Variants in KCNU1 observed in about 807,000 individuals in gnomAD.
KCNU1 encodes the protein potassium channel subfamily U member 1.
In KCNU1, 93 loss-of-function variants were observed where a neutral mutation model predicts 126.8. The ratio of observed to expected loss-of-function variants is 0.73; its 90% CI spans 0.62 to 0.87. The LOEUF is 0.87. KCNU1 is among the 40% of genes least tolerant of loss of function. The pLI, the probability that KCNU1 is intolerant of heterozygous loss-of-function variation, is 0.00. For synonymous variants in KCNU1, 523 were observed against 494.2 expected (o/e 1.06, Z -0.77); for missense variants, 1,330 against 1,367.1 (o/e 0.97, Z 0.43).
intron 18 of KCNU1, among the ~76,000 whole-genome samples, chr8:36,856,222 A>G (rs1805523565): frequency 6.6e-6 from 1 of 152,122 alleles, no homozygotes; most frequent in Admixed American, 6.5e-5. Flanking sequence ...CATATTTAGA[A>G]TATTGGCTCT....
chr8:36,905,391 A>G (rs1188341525), intron 19 of KCNU1, among the ~76,000 whole-genome samples: 1 of 151,988 alleles, frequency 6.6e-6, no homozygotes, highest in Non-Finnish European at 1.5e-5. Flanking sequence ...CTGCCAATGG[A>G]TAACAGTATC....
At chr8:36,824,147 C>A (rs1804232873) in intron 10 of KCNU1, among the ~76,000 whole-genome samples, 1 of 152,050 alleles carries the variant, frequency 6.6e-6, no homozygotes, top group South Asian at 2.1e-4. Context: ...CCTGTTTAAG[C>A]CTTTTTTATT....
chr8:36,924,394 C>T (rs564299898), intron 24 of KCNU1, among the ~76,000 whole-genome samples: 37 of 152,268 alleles, frequency 2.4e-4, no homozygotes, highest in Non-Finnish European at 2.9e-4. Context: ...TAAGGGAGCA[C>T]GGCTGGGCAT....
intron 2 of KCNU1, among the ~76,000 whole-genome samples, chr8:36,789,512 TTTA>T (rs1802829085): frequency 6.6e-6 from 1 of 152,208 alleles, no homozygotes; most frequent in African/African-American, 2.4e-5. Flanking sequence ...TCAACAAATA[TTTA>T]TTGTTTGCCA....
chr8:36,895,673 T>G (rs562861259), intron 19 of KCNU1, among the ~76,000 whole-genome samples: 1 of 152,262 alleles, frequency 6.6e-6, no homozygotes, highest in South Asian at 2.1e-4. Flanking sequence ...GATTACTATT[T>G]CCACACAAAT....
At chr8:36,822,234 G>A (rs1009013138) in intron 10 of KCNU1, among the ~76,000 whole-genome samples, 1 of 151,908 alleles carries the variant, frequency 6.6e-6, no homozygotes, top group Non-Finnish European at 1.5e-5. Context: ...ACACATCTAT[G>A]TATGTATATA....
intron 20 of KCNU1, 85 bp from the exon 21 acceptor site, chr8:36,909,226 A>T: frequency 1.2e-6 from 1 of 814,570 alleles, no homozygotes; most frequent in East Asian, 2.4e-5. Context: ...TACCTAGAAG[A>T]ATTGGGAGGA....
chr8:36,913,045 A>G (rs1484309898), intron 22 of KCNU1, among the ~76,000 whole-genome samples: 3 of 151,690 alleles, frequency 2.0e-5, no homozygotes, highest in Non-Finnish European at 2.9e-5. Context: ...TGACAACACC[A>G]TAAGTCATTT....
chr8:36,899,595 ACT>A (rs1006567085), intron 19 of KCNU1, among the ~76,000 whole-genome samples: 1 of 152,036 alleles, frequency 6.6e-6, no homozygotes, highest in African/African-American at 2.4e-5. Context: ...CTTCATGAAG[ACT>A]CTGTGTATGC....
chr8:36,836,743 T>A, intron 13 of KCNU1, 50 bp from the exon 14 acceptor site: 1 of 1,541,486 alleles, frequency 6.5e-7, no homozygotes, highest in Non-Finnish European at 8.9e-7. Flanking sequence ...AAGAGCTTTC[T>A]TGAGGTGTGT....
chr8:36,901,910 G>A (rs2117491480), intron 19 of KCNU1, among the ~76,000 whole-genome samples: 1 of 152,142 alleles, frequency 6.6e-6, no homozygotes, highest in Middle Eastern at 3.4e-3. Flanking sequence ...GGTACCCCGT[G>A]GCTACCTTTT....
intron 7 of KCNU1, among the ~76,000 whole-genome samples, chr8:36,810,965 G>T (rs1449442206): frequency 6.6e-6 from 1 of 152,120 alleles, no homozygotes; most frequent in Non-Finnish European, 1.5e-5. Flanking sequence ...AACAATAGAA[G>T]TAATTGAAAG....
intron 10 of KCNU1, among the ~76,000 whole-genome samples, chr8:36,832,814 C>T (rs1804601501): frequency 6.6e-6 from 1 of 151,930 alleles, no homozygotes; most frequent in Admixed American, 6.6e-5. Context: ...ACAAATTATT[C>T]CTAAAGCACG....
chr8:36,831,447 C>T (rs1393968049), intron 10 of KCNU1, among the ~76,000 whole-genome samples: 1 of 152,106 alleles, frequency 6.6e-6, no homozygotes, highest in Non-Finnish European at 1.5e-5. Context: ...TAATGATTGC[C>T]ATTCTAACTG....
At chr8:36,787,568 C>T (rs1802753203) in intron 2 of KCNU1, 143 bp downstream of exon 2, 3 of 601,626 alleles carry the variant, frequency 5.0e-6, no homozygotes, top group Non-Finnish European at 7.9e-6. Context: ...TCCCCATCCC[C>T]ATCTCCTTGT....
intron 24 of KCNU1, among the ~76,000 whole-genome samples, chr8:36,927,621 G>A (rs1338321569): frequency 6.6e-6 from 1 of 152,112 alleles, no homozygotes; most frequent in South Asian, 2.1e-4. Context: ...CCCAAAGAAT[G>A]TTTGATCTTA....
intron 10 of KCNU1, among the ~76,000 whole-genome samples, chr8:36,825,906 A>C (rs1804301576): frequency 6.6e-6 from 1 of 152,134 alleles, no homozygotes; most frequent in Non-Finnish European, 1.5e-5. Flanking sequence ...AAGTCTGTTG[A>C]ATTACCTTGT....
At chr8:36,833,497 A>G (rs1394073315) in intron 10 of KCNU1, 57 bp from the exon 11 acceptor site, 10 of 1,017,284 alleles carry the variant, frequency 9.8e-6, no homozygotes, top group Non-Finnish European at 1.6e-5. Flanking sequence ...AAAAACCTCT[A>G]AACCCAGAGT....
At chr8:36,889,802 A>C (rs1262691268) in intron 19 of KCNU1, among the ~76,000 whole-genome samples, 1 of 152,096 alleles carries the variant, frequency 6.6e-6, no homozygotes, top group Non-Finnish European at 1.5e-5. Flanking sequence ...ATAACAAAAT[A>C]TATACAACTA....
Sources: allele counts gnomAD v4.1 joint callset (sites outside exome capture counted in the v4.1 genomes callset), GRCh38; gene constraint gnomAD v4.1.1; transcripts MANE v1.5; gene names NCBI Gene and HGNC (gene_info 2026-07-23, HGNC 2026-07-21).